Variants in APOLD1 observed in about 807,000 individuals in gnomAD.
The protein encoded by APOLD1 is apolipoprotein L domain containing 1.
In APOLD1, 22 loss-of-function variants were observed where a neutral mutation model predicts 15.3. That is an observed-to-expected ratio of 1.44 (90% CI 1.03 to 2.05). The LOEUF (loss-of-function observed/expected upper bound fraction) is 2.05. Ranked by LOEUF, APOLD1 falls within the 30% of genes most tolerant of loss-of-function variation. The pLI, the probability that APOLD1 is intolerant of heterozygous loss-of-function variation, is 0.00. For synonymous variants in APOLD1, 190 were observed against 167.4 expected (o/e 1.13, Z -1.04); for missense variants, 394 against 353.5 (o/e 1.11, Z -0.92).
chr12:12,765,591 C>A (rs537975344), intron 1 of APOLD1, among the ~76,000 whole-genome samples: 1 of 152,258 alleles, frequency 6.6e-6, no homozygotes, highest in East Asian at 1.9e-4. Flanking sequence ...AAAGTGTAGG[C>A]TGGGCATGGT....
intron 1 of APOLD1, among the ~76,000 whole-genome samples, chr12:12,752,491 T>G (rs1946819501): frequency 6.6e-6 from 1 of 152,232 alleles, no homozygotes; most frequent in Non-Finnish European, 1.5e-5. Flanking sequence ...AGACCACTTC[T>G]TGGACTTATC....
intron 1 of APOLD1, among the ~76,000 whole-genome samples, chr12:12,770,059 G>T (rs1946974268): frequency 6.6e-6 from 1 of 152,202 alleles, no homozygotes; most frequent in Non-Finnish European, 1.5e-5. Flanking sequence ...TAGACAGCAT[G>T]CAAGAACAGG....
At chr12:12,728,494 C>T (rs1230653553) in intron 1 of APOLD1, among the ~76,000 whole-genome samples, 2 of 151,224 alleles carry the variant, frequency 1.3e-5, no homozygotes, top group African/African-American at 4.9e-5. Context: ...GGTGAAACCC[C>T]GTTTCTACAA....
At chr12:12,747,449 C>T (rs1268422762) in intron 1 of APOLD1, among the ~76,000 whole-genome samples, 1 of 152,200 alleles carries the variant, frequency 6.6e-6, no homozygotes, top group Non-Finnish European at 1.5e-5. Context: ...TTATCCTGTC[C>T]ACTTTCCCCT....
At position 12,786,958 on chromosome 12, in the gene APOLD1, G is replaced by T. The variant is rs4763876; in HGVS notation, c.53G>T (p.Arg18Leu). 6.9e-7 allele frequency: 1 copy of T among 1,458,594 alleles called. No individual in the cohort carries two copies. The highest frequency in any genetic ancestry group is 2.7e-5 in the Admixed American group (1 of 37,378). The allele number at this position is 1,458,594 out of a possible 1,614,324, so 90.4% of individuals were successfully genotyped here. Residue 18 changes from arginine to leucine, a missense_variant, in exon 2 of 2, where the codon CGG becomes CTG. Arg to Leu is a moderately radical substitution (Grantham distance 102). Coordinates refer to ENST00000356591, the MANE Select transcript of APOLD1 (RefSeq NM_030817.3). ...AREPHGPDAL[R>L]RFQGLLLDRR... ...GAGCCGCATGGGCCCGACGCGCTGC[G>T]GCGCTTCCAGGGACTGCTGCTGGAC...
At chr12:12,735,402 G>C (rs1364884612) in intron 1 of APOLD1, among the ~76,000 whole-genome samples, 1 of 152,052 alleles carries the variant, frequency 6.6e-6, no homozygotes, top group East Asian at 1.9e-4. Flanking sequence ...TTGAGACCTG[G>C]AAGCTGAGCA....
chr12:12,734,447 G>C (rs1003579869), intron 1 of APOLD1, among the ~76,000 whole-genome samples: 5 of 152,176 alleles, frequency 3.3e-5, no homozygotes, highest in African/African-American at 1.2e-4. Context: ...TCAGAATATT[G>C]GCTATGGGAG....
At chr12:12,759,208 T>C (rs1946880084) in intron 1 of APOLD1, among the ~76,000 whole-genome samples, 1 of 152,212 alleles carries the variant, frequency 6.6e-6, no homozygotes, top group Admixed American at 6.5e-5. Flanking sequence ...CGAATGTAAC[T>C]GAAACAACGA....
upstream of APOLD1, among the ~76,000 whole-genome samples, chr12:12,783,471 C>T (rs1461993982): frequency 6.6e-6 from 1 of 151,698 alleles, no homozygotes; most frequent in African/African-American, 2.4e-5. Flanking sequence ...CCACCACACA[C>T]AGCTGTTTTT....
chr12:12,739,273 T>C (rs1400828296), intron 1 of APOLD1, among the ~76,000 whole-genome samples: 1 of 152,218 alleles, frequency 6.6e-6, no homozygotes, highest in African/African-American at 2.4e-5. Flanking sequence ...TATTGAGGAA[T>C]TTGTATTCTG....
chr12:12,782,257 T>TCAAACAAA (rs59794394), upstream of APOLD1, among the ~76,000 whole-genome samples: 167 of 119,126 alleles, frequency 1.4e-3, 1 homozygote, highest in East Asian at 9.5e-3. Flanking sequence ...AGACTCCGTC[T>TCAAACAAA]CAAACAAACA....
chr12:12,736,720 C>T (rs1436813610), intron 1 of APOLD1, among the ~76,000 whole-genome samples: 2 of 152,130 alleles, frequency 1.3e-5, no homozygotes, highest in Non-Finnish European at 2.9e-5. Flanking sequence ...CATAAACAAT[C>T]GAGTTTTCAA....
At chr12:12,766,719 C>T (rs911660484) in intron 1 of APOLD1, among the ~76,000 whole-genome samples, 4 of 151,990 alleles carry the variant, frequency 2.6e-5, no homozygotes, top group Admixed American at 6.6e-5. Flanking sequence ...TGTGGTGGCA[C>T]GTGCCTGTAA....
At chr12:12,780,304 G>C (rs1268291786) in intron 1 of APOLD1, among the ~76,000 whole-genome samples, 2 of 151,076 alleles carry the variant, frequency 1.3e-5, no homozygotes, top group South Asian at 2.1e-4. Flanking sequence ...GAGTGCAGTG[G>C]TGTGATCTCG....
At position 12,727,474 on chromosome 12, in the gene APOLD1, T is replaced by G. The variant is rs76005740; in HGVS notation, c.96+1378T>G. Among the ~76,000 whole-genome samples, 21 of 152,310 alleles carry G rather than the reference T, an allele frequency of 1.4e-4. No homozygotes were observed. In the East Asian group the frequency reaches 3.9e-3, roughly 28 times the overall value. Reference sequence around the variant, plus strand: ...TCACCTGTGGTAACTTGAGGCCCCATCTTTAAAAGTGGTGACTATTAATAC... The same window carrying G: ...TCACCTGTGGTAACTTGAGGCCCCAGCTTTAAAAGTGGTGACTATTAATAC... On this transcript the variant is annotated intron_variant, in intron 1 of 1. Coordinates refer to the APOLD1 transcript ENST00000326765.
chr12:12,770,457 A>C (rs540305128), intron 1 of APOLD1, among the ~76,000 whole-genome samples: 1 of 151,932 alleles, frequency 6.6e-6, no homozygotes, highest in African/African-American at 2.4e-5. Context: ...GAAATGAAAA[A>C]TGTCTTTGAC....
intron 1 of APOLD1, among the ~76,000 whole-genome samples, chr12:12,735,428 A>G (rs1946676855): frequency 6.6e-6 from 1 of 151,978 alleles, no homozygotes; most frequent in Non-Finnish European, 1.5e-5. Context: ...TAACCAGTTG[A>G]AAGGAGGAAA....
At chr12:12,738,833 A>G (rs918046204) in intron 1 of APOLD1, among the ~76,000 whole-genome samples, 2 of 152,194 alleles carry the variant, frequency 1.3e-5, no homozygotes, top group African/African-American at 4.8e-5. Context: ...TTTGTTCCTG[A>G]GGATAGAAGG....
intron 1 of APOLD1, chr12:12,726,198 A>C: frequency 5.4e-5 from 47 of 864,892 alleles, no homozygotes; most frequent in East Asian, 8.7e-5. Flanking sequence ...TAGAGGAAAA[A>C]TGTGTTATTT....
Sources: allele counts gnomAD v4.1 joint callset (sites outside exome capture counted in the v4.1 genomes callset), GRCh38; gene constraint gnomAD v4.1.1; transcripts MANE v1.5; gene names NCBI Gene and HGNC (gene_info 2026-07-23, HGNC 2026-07-21).